Variants in ZNF195 observed in about 807,000 individuals in gnomAD.
The protein encoded by ZNF195 is zinc finger protein 195.
ZNF195 carries 11 observed loss-of-function variants against 19.5 expected under a neutral mutation model. The observed-to-expected ratio is 0.57, with a 90% CI of 0.36 to 0.94. ZNF195 has a LOEUF of 0.94. Among genes scored for constraint, ZNF195 ranks in the 40% least tolerant of loss-of-function variants. The probability of loss-of-function intolerance (pLI) is 0.01; values close to 1 mark genes in which losing one functional copy is unlikely to be tolerated. For missense variants in ZNF195, 582 were observed against 709.0 expected, an observed-to-expected ratio of 0.82 and a Z score of 2.03; for synonymous variants, 214 against 248.1, an observed-to-expected ratio of 0.86 and a Z score of 1.29.
intron 1 of ZNF195, among the ~76,000 whole-genome samples, chr11:3,372,844 C>A (rs1374523384): frequency 6.6e-6 from 1 of 152,216 alleles, no homozygotes. Flanking sequence ...CAATTCTCGT[C>A]CCTCAGCCTC....
intron 1 of ZNF195, among the ~76,000 whole-genome samples, chr11:3,378,335 G>C (rs915439815): frequency 1.3e-5 from 2 of 150,716 alleles, no homozygotes. Flanking sequence ...TAAATAGCAG[G>C]CAATCCGACT....
In ZNF195 at chr11:3,360,775, A is replaced by G. The variant is rs1397410878; in HGVS notation, c.387T>C (p.Pro129=). The G allele has an allele frequency of 6.4e-7, 1 of 1,551,490 alleles. No individual in the cohort carries two copies. The highest frequency in any genetic ancestry group is 1.4e-5 in the African/African-American group (1 of 73,028). Residue 129 remains proline, a synonymous_variant, in exon 5 of 6, where the codon CCT becomes CCC. Coordinates refer to ENST00000399602, the MANE Select transcript of ZNF195 (RefSeq NM_001130520.3). ...ACCATTTCACAGTTTGCAGCACCCCAGGTGAGCACAGTGCTAGGAGCCAGA... is the reference window on the plus strand; with the variant it reads ...ACCATTTCACAGTTTGCAGCACCCCGGGTGAGCACAGTGCTAGGAGCCAGA... ...SVDKFTALCS[P]GVLQTVKWFL...
In ZNF195 at chr11:3,371,255, C is replaced by G. The variant is rs1406931964; in HGVS notation, c.131-185G>C. 1.3e-5 allele frequency: 9 copies of G among 668,282 alleles called. No homozygotes were observed. The Admixed American group carries it at 2.8e-4, about 21-fold the overall frequency. 41.4% of individuals were successfully genotyped at this position (668,282 alleles called of 1,614,324 possible). ...AATCTGTGGGTTCTTAGTTTCACCA[C>G]TCAGTACTGCTGACATAAAAAATTG... On this transcript the variant is annotated intron_variant, in intron 2 of 5. Coordinates refer to ENST00000399602, the MANE Select transcript of ZNF195 (RefSeq NM_001130520.3).
rs1178616591 is a variant in ZNF195, at chr11:3,359,376, A to G, written c.1632T>C (p.His544=). 2.5e-6 allele frequency: 4 copies of G among 1,613,880 alleles called. No homozygotes were observed. The African/African-American group carries it at 4.0e-5, about 16-fold the overall frequency. Residue 544 remains histidine (H), a synonymous_variant, in exon 6 of 6, where the codon CAT becomes CAC. Coordinates refer to ENST00000399602, the MANE Select transcript of ZNF195 (RefSeq NM_001130520.3). The surrounding 1 kb of genome is among the most constrained non-coding windows in gnomAD (Gnocchi z 5.5). ...CACACTTGTAGGGTTTCTCTCCAGT[A>G]TGAATTCTCTTATGTACAATAAGGT... ...SSNLIVHKRI[H]TGEKPYKCEE... is the part of the protein sequence containing the mutation.
rs141233502 is a variant in ZNF195, at chr11:3,361,837, G to A, written c.279C>T (p.Ser93=). ...TQACLELLGS[S]DLPASASQSA... is the part of the protein sequence containing the mutation. ...TTTGGGAGGCTGAGGCAGGCAGATC[G>A]CTTGAGCCCAGGAGTTCAAGACAAG... The change falls in exon 4 of 6, where the codon AGC becomes AGT. Residue 93 remains serine (S), a synonymous_variant. Transcript: ENST00000399602. 142 of 648,842 alleles carry A rather than the reference G, an allele frequency of 2.2e-4. No individual in the cohort carries two copies. In the African/African-American group the frequency reaches 2.4e-3, roughly 11 times the overall value. The allele number at this position is 648,842 out of a possible 1,614,324, so 40.2% of individuals were successfully genotyped here. A position where few individuals can be genotyped will look rare whatever the true frequency, so the allele number is the denominator to read the frequency against.
At chr11:3,376,934 A>G (rs999785839) in intron 1 of ZNF195, among the ~76,000 whole-genome samples, 1 of 152,246 alleles carries the variant, frequency 6.6e-6, no homozygotes, top group African/African-American at 2.4e-5. Context: ...AAATGTAAAC[A>G]TTCTCCACAG....
chr11:3,378,335 G>A (rs915439815), intron 1 of ZNF195, among the ~76,000 whole-genome samples: 1 of 150,716 alleles, frequency 6.6e-6, no homozygotes. Flanking sequence ...TAAATAGCAG[G>A]CAATCCGACT....
intron 1 of ZNF195, among the ~76,000 whole-genome samples, chr11:3,375,114 C>T (rs765765163): frequency 2.0e-5 from 3 of 152,188 alleles, no homozygotes; most frequent in Non-Finnish European, 2.9e-5. Flanking sequence ...GTAGTTAACT[C>T]TGTCGGAGGA....
chr11:3,362,998 C>CT (rs34774623), intron 3 of ZNF195, among the ~76,000 whole-genome samples: 1 of 152,126 alleles, frequency 6.6e-6, no homozygotes, highest in Admixed American at 6.5e-5. Flanking sequence ...CTAAAACATA[C>CT]TTTAAGTCAG....
intron 3 of ZNF195, chr11:3,369,522 G>A: frequency 4.4e-6 from 2 of 452,328 alleles, no homozygotes; most frequent in Non-Finnish European, 8.9e-6. Flanking sequence ...TAAAGAAAAT[G>A]TGATATAAAT....
At chr11:3,377,530 G>T (rs7932709) in intron 1 of ZNF195, 879,031 of 972,460 alleles carry the variant, frequency 0.9, 397,465 homozygotes, top group East Asian at 0.99. Flanking sequence ...CCTCTGACAG[G>T]GGCATGTGAT....
intron 2 of ZNF195, 194 bp from the exon 3 acceptor site, chr11:3,371,264 G>A (rs1452433605): frequency 6.1e-6 from 4 of 660,744 alleles, no homozygotes; most frequent in Non-Finnish European, 7.5e-6. Context: ...ACTCAGTACT[G>A]CTGACATAAA....
At chr11:3,363,089 C>T (rs764538760) in intron 3 of ZNF195, among the ~76,000 whole-genome samples, 7 of 152,132 alleles carry the variant, frequency 4.6e-5, no homozygotes, top group Non-Finnish European at 8.8e-5. Context: ...GGTGCATATT[C>T]GTATATATAT....
Position 3,359,482 on chromosome 11 carries a change from A to C in ZNF195, c.1526T>G (p.Leu509Arg), listed in dbSNP as rs780920859. ...CGNIFKQLSDLTKHKKTHTGE... is the reference protein window; with the variant it reads ...CGNIFKQLSDRTKHKKTHTGE... ...AGTATGGGTTTTCTTATGCTTAGTG[A>C]GGTCTGATAACTGCTTAAAGATGTT... The change falls in exon 6 of 6, where the codon CTC becomes CGC. Residue 509 changes from leucine to arginine, a missense_variant. By Grantham distance (102) the Leu-to-Arg change is moderately radical. Around this residue, in one of 3 missense-constraint regions of ZNF195, gnomAD observed 407 missense variants for 530.5 expected, o/e 0.77. Coordinates refer to ENST00000399602, the MANE Select transcript of ZNF195 (RefSeq NM_001130520.3). The surrounding 1 kb of genome is among the most constrained non-coding windows in gnomAD (Gnocchi z 5.5). 1.2e-6 allele frequency: 2 copies of C among 1,614,168 alleles called. No individual in the cohort carries two copies. The highest frequency in any genetic ancestry group is 1.7e-5 in the Admixed American group (1 of 60,026).
chr11:3,362,115 A>G, intron 3 of ZNF195: 1 of 351,036 alleles, frequency 2.8e-6, no homozygotes, highest in Non-Finnish European at 5.8e-6. Context: ...CTAATTGCTG[A>G]ACACAAAACT....
chr11:3,375,531 A>T (rs4758577), intron 1 of ZNF195: 3 of 152,222 alleles, frequency 2.0e-5, no homozygotes, highest in East Asian at 1.9e-4. Context: ...CAAATGAAGC[A>T]GAAGTCCCTT....
intron 1 of ZNF195, chr11:3,373,623 T>C: frequency 6.5e-7 from 1 of 1,550,312 alleles, no homozygotes; most frequent in Non-Finnish European, 8.7e-7. Context: ...CTCTGGGATT[T>C]CCTCTTAGGA....
chr11:3,373,642 C>A, intron 1 of ZNF195: 2 of 1,548,544 alleles, frequency 1.3e-6, no homozygotes, highest in Non-Finnish European at 1.7e-6. Context: ...GAAAGATTCT[C>A]TGGACAAATC....
intron 3 of ZNF195, chr11:3,362,595 GA>G (rs1848685312): frequency 1.7e-6 from 1 of 585,518 alleles, no homozygotes; most frequent in Non-Finnish European, 3.1e-6. Flanking sequence ...TAACCACAAA[GA>G]AAATACCTAT....
Sources: allele counts gnomAD v4.1 joint callset (sites outside exome capture counted in the v4.1 genomes callset), GRCh38; gene constraint gnomAD v4.1.1; regional missense constraint gnomAD v4.1.1; non-coding constraint Gnocchi (gnomAD v3.1); transcripts MANE v1.5; gene names NCBI Gene and HGNC (gene_info 2026-07-23, HGNC 2026-07-21).